ADGRB1: variants seen among roughly 807,000 people sequenced by gnomAD.
ADGRB1 encodes adhesion G protein-coupled receptor B1, also known as brain-specific angiogenesis inhibitor 1.
ADGRB1 carries 36 observed loss-of-function variants against 175.7 expected under a neutral mutation model. The observed-to-expected ratio is 0.20, with a 90% CI of 0.16 to 0.27. The LOEUF (loss-of-function observed/expected upper bound fraction) is 0.27, where lower values mean the gene tolerates loss of function less well. ADGRB1 is among the 10% of genes least tolerant of loss of function. The probability of loss-of-function intolerance (pLI) is 1.00; values close to 1 mark genes in which losing one functional copy is unlikely to be tolerated. For missense variants in ADGRB1, 1,731 were observed against 2,255.3 expected (o/e 0.77, Z 4.71); for synonymous variants, 1,054 against 979.4 (o/e 1.08, Z -1.42).
intron 2 of ADGRB1, among the ~76,000 whole-genome samples, chr8:142,468,251 C>CGT (rs1385927053): frequency 2.6e-5 from 4 of 151,860 alleles, no homozygotes; most frequent in East Asian, 1.9e-4. Context: ...TACTCATGTG[C>CGT]GTGTGTGTGT....
At chr8:142,468,979 AGTCC>A (rs1351170333) in intron 2 of ADGRB1, among the ~76,000 whole-genome samples, 1 of 152,258 alleles carries the variant, frequency 6.6e-6, no homozygotes. Context: ...GCACTCAGTC[AGTCC>A]AAGTTGGAGA....
rs1243976518 is a variant in ADGRB1 at position 142,528,477 on chromosome 8, GC to G, written c.3398+1854del. ...GGGGCTGGTTTTGCACTTTGGCCCC[GC>G]CCCTCCTGCCTGGTTTCCGAGAGCA... is the stretch of plus-strand genomic sequence containing the variant. On this transcript the variant is annotated intron_variant, in intron 24 of 30. Transcript: ENST00000517894. 8.5e-5 allele frequency among the ~76,000 whole-genome samples: 13 copies of G among 152,260 alleles called. No individual in the cohort carries two copies. In the East Asian group the frequency reaches 2.3e-3, roughly 27 times the overall value.
At position 142,484,121 on chromosome 8, in the gene ADGRB1, C is replaced by T. The variant is rs566947510; in HGVS notation, c.2199+76C>T. ...AGCTGGTGCCTCCCTGGTCTCCAGTCGGCCTGGGGTGGGGTCCCGCCGGGT... is the reference window on the plus strand; with the variant it reads ...AGCTGGTGCCTCCCTGGTCTCCAGTTGGCCTGGGGTGGGGTCCCGCCGGGT... On this transcript the variant is annotated intron_variant, in intron 12 of 30. Coordinates refer to ENST00000517894, the MANE Select transcript of ADGRB1 (RefSeq NM_001702.3). 1.3e-4 allele frequency: 177 copies of T among 1,389,976 alleles called. 2 individuals carry two copies. Among genetic ancestry groups the T allele is most frequent in the East Asian group, 8.9e-4 (38 of 42,744 alleles). The allele number at this position is 1,389,976 out of a possible 1,614,324, so 86.1% of individuals were successfully genotyped here. A position where few individuals can be genotyped will look rare whatever the true frequency, so the allele number is the denominator to read the frequency against.
Position 142,542,408 on chromosome 8 carries a change from AGCCCGCCCTCCC to A in ADGRB1, c.4178_4189del (p.Pro1393_Arg1396del), listed in dbSNP as rs1422820063. The A allele has an allele frequency of 6.5e-6, 8 of 1,230,822 alleles. No individual in the cohort carries two copies. In the South Asian group the frequency reaches 7.9e-5, roughly 12 times the overall value. The allele number at this position is 1,230,822 out of a possible 1,614,324, so 76.2% of individuals were successfully genotyped here. The stretch of plus-strand genomic sequence containing the variant: ...CCCCGAGGCCAGCCTCCCCGCCCGC[AGCCCGCCCTCCC>A]GCCAGCCCCCCAGCGGCGGGCCCCC... On this transcript the variant is annotated inframe_deletion, in exon 28 of 31. Transcript: ENST00000517894. This position sits in a 1 kb window ranked among gnomAD's most constrained non-coding sequence, Gnocchi z 6.3.
At position 142,504,695 on chromosome 8, in the gene ADGRB1, C is replaced by A. The variant is rs576050488; in HGVS notation, c.2676-6237C>A. 5.3e-5 allele frequency among the ~76,000 whole-genome samples: 8 copies of A among 152,204 alleles called. No homozygotes were observed. The highest frequency in any genetic ancestry group is 1.9e-4 in the African/African-American group (8 of 41,522). ...TGGGCAGAGGTGGGAGCCAGGCACTCCTGATGGATGAAGCATGACTAAGGG... is the reference window on the plus strand; with the variant it reads ...TGGGCAGAGGTGGGAGCCAGGCACTACTGATGGATGAAGCATGACTAAGGG... On this transcript the variant is annotated intron_variant, in intron 17 of 30. Coordinates refer to ENST00000517894, the MANE Select transcript of ADGRB1 (RefSeq NM_001702.3). This position sits in a 1 kb window ranked among gnomAD's most constrained non-coding sequence, Gnocchi z 5.6.
Position 142,464,609 on chromosome 8 carries a change from GGCCAGCAAGCAGTTCCTGCAGATGCGGC to G in ADGRB1, c.419_446del (p.Lys140SerfsTer88). On this transcript the variant is annotated frameshift_variant, in exon 2 of 31. Transcript: ENST00000517894. LOFTEE classifies it high-confidence loss of function. ...CCTCCGCACCCCTGGCCTTCCTGCA[GGCCAGCAAGCAGTTCCTGCAGATGCGGC>G]GCCAGCAGCCGCCCCAGCACGACGG... The G allele has an allele frequency of 6.6e-7, 1 of 1,524,564 alleles. No homozygotes were observed. The highest frequency in any genetic ancestry group is 8.8e-7 in the Non-Finnish European group (1 of 1,138,982). 94.4% of individuals were successfully genotyped at this position (1,524,564 alleles called of 1,614,324 possible).
At chr8:142,482,613 C>G (rs1390834580) in intron 11 of ADGRB1, among the ~76,000 whole-genome samples, 1 of 150,648 alleles carries the variant, frequency 6.6e-6, no homozygotes, top group Non-Finnish European at 1.5e-5. Flanking sequence ...CATGCTGAAC[C>G]CTGACCCTCG....
At chr8:142,488,246 C>T in intron 13 of ADGRB1, 118 bp from the exon 14 acceptor site, 6 of 1,400,522 alleles carry the variant, frequency 4.3e-6, no homozygotes, top group South Asian at 1.3e-5. Flanking sequence ...GAGCCATGGG[C>T]ACCCCGCGGC....
chr8:142,512,359 T>C (rs1843153114), intron 18 of ADGRB1, among the ~76,000 whole-genome samples: 1 of 152,196 alleles, frequency 6.6e-6, no homozygotes, highest in Non-Finnish European at 1.5e-5. Flanking sequence ...GGTGGCCTTC[T>C]GTGTAGGAGG....
chr8:142,465,067 G>A, intron 2 of ADGRB1, 85 bp downstream of exon 2: 1 of 794,938 alleles, frequency 1.3e-6, no homozygotes, highest in Non-Finnish European at 1.7e-6. Flanking sequence ...GCGGATGGGG[G>A]AAGTGGGCGG....
intron 16 of ADGRB1, 54 bp from the exon 17 acceptor site, chr8:142,490,718 G>A: frequency 6.5e-7 from 1 of 1,539,680 alleles, no homozygotes; most frequent in South Asian, 1.2e-5. Flanking sequence ...TGACCCGAGG[G>A]TGGGGGCTGG....
In ADGRB1 at chr8:142,478,185, G is replaced by A. The variant is rs528294477; in HGVS notation, c.1388-2G>A. 27 of 1,601,384 alleles carry A rather than the reference G, an allele frequency of 1.7e-5. No homozygotes were observed. Among genetic ancestry groups the A allele is most frequent in the African/African-American group, 2.7e-5 (2 of 74,742 alleles). On this transcript the variant is annotated splice_acceptor_variant, in intron 6 of 30. Coordinates refer to ENST00000517894, the MANE Select transcript of ADGRB1 (RefSeq NM_001702.3). LOFTEE classifies it high-confidence loss of function. ...CCACTTTGTGTCTCCTTCCTCCCCCGGGCCGGGCAGTGGATGGAAACTGGA... is the reference window on the plus strand; with the variant it reads ...CCACTTTGTGTCTCCTTCCTCCCCCAGGCCGGGCAGTGGATGGAAACTGGA...
rs1285421647 is a variant in ADGRB1 at position 142,464,689 on chromosome 8, G to A, written c.491G>A (p.Gly164Asp). ...DGLRPRAGPP[G>D]PTDDFSVEYL... The stretch of plus-strand genomic sequence containing the variant: ...CTCCGGCCCCGGGCCGGGCCGCCGG[G>A]CCCCACCGACGACTTCTCCGTGGAG... The change falls in exon 2 of 31, where the codon GGC (glycine) becomes GAC (aspartate). Residue 164 changes from glycine to aspartate, a missense_variant. This residue lies in a region of ADGRB1 where 383 missense variants were observed against 383.1 expected (regional missense o/e 1.00). Transcript: ENST00000517894. The A allele has an allele frequency of 7.9e-6, 12 of 1,527,526 alleles. No homozygotes were observed. The highest frequency in any genetic ancestry group is 1.4e-5 in the African/African-American group (1 of 71,792). 94.6% of individuals were successfully genotyped at this position (1,527,526 alleles called of 1,614,324 possible).
intron 1 of ADGRB1, among the ~76,000 whole-genome samples, chr8:142,456,230 C>T (rs759393985): frequency 1.3e-5 from 2 of 152,142 alleles, no homozygotes; most frequent in South Asian, 4.1e-4. Context: ...CACCACAGCG[C>T]GCCCACATGC....
In ADGRB1 at chr8:142,493,472, G is replaced by A. The variant is rs1466109249; in HGVS notation, c.2675+2657G>A. Among the ~76,000 whole-genome samples, 1 of 152,188 alleles carries A rather than the reference G, an allele frequency of 6.6e-6. No homozygotes were observed. Among genetic ancestry groups the A allele is most frequent in the African/African-American group, 2.4e-5 (1 of 41,458 alleles). ...CCAGGACCCGCCAGTCACACCAGGT[G>A]TTCCACCCACCCCGTCACCGGCTGG... is the stretch of plus-strand genomic sequence containing the variant. On this transcript the variant is annotated intron_variant, in intron 17 of 30. Transcript: ENST00000517894. The surrounding 1 kb of genome is among the most constrained non-coding windows in gnomAD (Gnocchi z 5.0).
intron 17 of ADGRB1, among the ~76,000 whole-genome samples, chr8:142,508,248 G>A (rs971893457): frequency 6.6e-6 from 1 of 152,044 alleles, no homozygotes; most frequent in African/African-American, 2.4e-5. Context: ...AGGGCTTAGC[G>A]GCTCTGTGCC....
intron 20 of ADGRB1, among the ~76,000 whole-genome samples, chr8:142,521,181 C>T (rs1041787724): frequency 2.0e-5 from 3 of 152,200 alleles, no homozygotes; most frequent in Non-Finnish European, 2.9e-5. Context: ...CAGGATGAGC[C>T]TGCTGCAGCC....
At chr8:142,519,847 T>C (rs1843670243) in intron 19 of ADGRB1, among the ~76,000 whole-genome samples, 1 of 150,684 alleles carries the variant, frequency 6.6e-6, no homozygotes, top group Admixed American at 6.6e-5. Context: ...GTGGTAGTGA[T>C]GGTAATGGTC....
At chr8:142,541,884 C>G (rs1845292015) in intron 27 of ADGRB1, 57 bp from the exon 28 acceptor site, 1 of 1,478,612 alleles carries the variant, frequency 6.8e-7, no homozygotes, top group African/African-American at 1.4e-5. Flanking sequence ...TGGGGACTGT[C>G]CTACGCCATC....
Sources: allele counts gnomAD v4.1 joint callset (sites outside exome capture counted in the v4.1 genomes callset), GRCh38; gene constraint gnomAD v4.1.1; regional missense constraint gnomAD v4.1.1; non-coding constraint Gnocchi (gnomAD v3.1); transcripts MANE v1.5; gene names NCBI Gene and HGNC (gene_info 2026-07-23, HGNC 2026-07-21).